Variants in TNNI3K observed in about 807,000 individuals in gnomAD.
TNNI3K encodes TNNI3 interacting kinase, also known as serine/threonine-protein kinase TNNI3K.
In TNNI3K, 140 loss-of-function variants were observed where a neutral mutation model predicts 114.5. The ratio of observed to expected loss-of-function variants is 1.22; its 90% CI spans 1.07 to 1.41. The LOEUF is 1.41. Among genes scored for constraint, TNNI3K ranks in the 40% most tolerant of loss-of-function variants. The pLI is 0.00. For missense variants in TNNI3K, 1,125 were observed against 1,007.6 expected (o/e 1.12, Z -1.58); for synonymous variants, 347 against 347.5 (o/e 1.00, Z 0.02).
intron 9 of TNNI3K, among the ~76,000 whole-genome samples, chr1:74,349,803 G>T (rs1661230037): frequency 6.6e-6 from 1 of 152,060 alleles, no homozygotes; most frequent in Non-Finnish European, 1.5e-5. Flanking sequence ...TATTTCTGTG[G>T]GATCGGTGGT....
Position 74,489,234 on chromosome 1 carries a change from C to G in TNNI3K, c.2167C>G (p.Leu723Val). 6.2e-7 allele frequency: 1 copy of G among 1,611,822 alleles called. No individual in the cohort carries two copies. The highest frequency in any genetic ancestry group is 8.5e-7 in the Non-Finnish European group (1 of 1,179,016). ...AGTTGTCATGAAGTTAGAAGAGTGTCTCTGCAACATTGAGGTAAAAGCTTT... is the reference window on the plus strand; with the variant it reads ...AGTTGTCATGAAGTTAGAAGAGTGTGTCTGCAACATTGAGGTAAAAGCTTT... ...SEVVMKLEEC[L>V]CNIELMSPAS... is the part of the protein sequence containing the mutation. Residue 723 changes from leucine to valine, a missense_variant, in exon 22 of 25, where the codon CTC (leucine) becomes GTC (valine). By Grantham distance (32) the Leu-to-Val change is conservative. Transcript: ENST00000326637.
At position 74,367,971 on chromosome 1, in the gene TNNI3K, A is replaced by G. The variant is rs1259635678; in HGVS notation, c.1321+7A>G. ...ATTAAAAGCATGACAAAAGGTACCTATAATCTGGGACAATTGTTATATTTA... is the reference window on the plus strand; with the variant it reads ...ATTAAAAGCATGACAAAAGGTACCTGTAATCTGGGACAATTGTTATATTTA... On this transcript the variant is annotated splice_region_variant and intron_variant, in intron 13 of 24. Coordinates refer to ENST00000326637, the MANE Select transcript of TNNI3K (RefSeq NM_015978.3). The G allele has an allele frequency of 5.1e-6, 8 of 1,556,118 alleles. No individual in the cohort carries two copies. The highest frequency in any genetic ancestry group is 1.4e-5 in the African/African-American group (1 of 71,122).
intron 23 of TNNI3K, among the ~76,000 whole-genome samples, chr1:74,511,237 G>C (rs1260003519): frequency 1.3e-5 from 2 of 150,844 alleles, no homozygotes; most frequent in Non-Finnish European, 2.9e-5. Flanking sequence ...TTATTGCCCA[G>C]GCTGGAGTGC....
intron 17 of TNNI3K, among the ~76,000 whole-genome samples, chr1:74,397,298 A>C (rs193269903): frequency 6.6e-6 from 1 of 152,282 alleles, no homozygotes; most frequent in Admixed American, 6.5e-5. Flanking sequence ...AGAGAGAGAT[A>C]ATGTAAAAGG....
chr1:74,371,335 A>G (rs1032205935), intron 17 of TNNI3K: 1 of 151,876 alleles, frequency 6.6e-6, no homozygotes, highest in African/African-American at 2.4e-5. Context: ...GGACGTTCAT[A>G]GACTACATTC....
chr1:74,265,999 C>G (rs1655958941), intron 4 of TNNI3K, among the ~76,000 whole-genome samples: 1 of 151,948 alleles, frequency 6.6e-6, no homozygotes, highest in Non-Finnish European at 1.5e-5. Context: ...ATTTTCTTCT[C>G]TGAGGTATTC....
At chr1:74,391,286 C>A (rs956219335) in intron 17 of TNNI3K, among the ~76,000 whole-genome samples, 3 of 151,932 alleles carry the variant, frequency 2.0e-5, no homozygotes, top group Non-Finnish European at 4.4e-5. Context: ...GAGAAAAGGG[C>A]AAAAATGAAA....
rs1035000340 is a variant in TNNI3K, at chr1:74,421,692, A to G, written c.1773-14388A>G. On this transcript the variant is annotated intron_variant, in intron 17 of 24. Transcript: ENST00000326637. ...GTGGCTTAGCTTGATTGCTAAGGATAAGAGGACTGACATCACCCGAATATC... is the reference window on the plus strand; with the variant it reads ...GTGGCTTAGCTTGATTGCTAAGGATGAGAGGACTGACATCACCCGAATATC... Among the ~76,000 whole-genome samples, 4 of 152,190 alleles carry G rather than the reference A, an allele frequency of 2.6e-5. No individual in the cohort carries two copies. In the East Asian group the frequency reaches 7.7e-4, roughly 29 times the overall value.
intron 21 of TNNI3K, chr1:74,469,931 G>A: frequency 5.0e-6 from 2 of 400,664 alleles, no homozygotes; most frequent in South Asian, 1.3e-4. Context: ...GGTGGATACA[G>A]TACAGGTTTT....
chr1:74,360,340 T>G (rs1661894657), intron 11 of TNNI3K, among the ~76,000 whole-genome samples: 1 of 152,008 alleles, frequency 6.6e-6, no homozygotes, highest in South Asian at 2.1e-4. Flanking sequence ...GAGACTTTAT[T>G]GTCTTGTGTA....
intron 24 of TNNI3K, 106 bp from the exon 25 acceptor site, chr1:74,543,800 C>A: frequency 1.6e-6 from 2 of 1,245,022 alleles, no homozygotes; most frequent in South Asian, 1.3e-5. Flanking sequence ...TCCAGATTGT[C>A]TGTTCACATG....
intron 23 of TNNI3K, among the ~76,000 whole-genome samples, chr1:74,502,942 G>A (rs1029866543): frequency 2.6e-5 from 4 of 152,180 alleles, no homozygotes; most frequent in Non-Finnish European, 5.9e-5. Flanking sequence ...GCACATAAAA[G>A]GATGAACTTC....
rs529175481 is a variant in TNNI3K at position 74,543,842 on chromosome 1, A to C, written c.2432-64A>C. On this transcript the variant is annotated intron_variant, in intron 24 of 24. Coordinates refer to ENST00000326637, the MANE Select transcript of TNNI3K (RefSeq NM_015978.3). ...AAGACCTGCCTGGTTCAGGCTGGTT[A>C]TAAAAAATTGGGGGATGTACTGAAA... is the stretch of plus-strand genomic sequence containing the variant. 162 of 1,599,164 alleles carry C rather than the reference A, an allele frequency of 1.0e-4. 2 individuals are homozygous for C. The South Asian group carries it at 1.4e-3, about 13-fold the overall frequency.
intron 13 of TNNI3K, 69 bp from the exon 14 acceptor site, chr1:74,368,952 AT>A (rs1662435621): frequency 8.3e-7 from 1 of 1,210,884 alleles, no homozygotes; most frequent in Admixed American, 2.6e-5. Context: ...AAATATATAT[AT>A]GCACATGTAT....
chr1:74,531,809 T>A (rs1646587697), intron 23 of TNNI3K, among the ~76,000 whole-genome samples: 1 of 152,238 alleles, frequency 6.6e-6, no homozygotes, highest in African/African-American at 2.4e-5. Context: ...AGGGGATAAG[T>A]GTGCATATGG....
At chr1:74,361,541 G>T (rs1370266879) in intron 11 of TNNI3K, among the ~76,000 whole-genome samples, 8 of 152,070 alleles carry the variant, frequency 5.3e-5, no homozygotes, top group Admixed American at 4.6e-4. Flanking sequence ...ATGTGTGACA[G>T]ACACTGTGCT....
chr1:74,467,562 A>C (rs1227790783), intron 21 of TNNI3K, among the ~76,000 whole-genome samples: 3 of 151,870 alleles, frequency 2.0e-5, no homozygotes, highest in African/African-American at 7.3e-5. Context: ...TTGGACGTGA[A>C]ATTATGGCAA....
At chr1:74,296,962 A>G (rs1363287484) in intron 5 of TNNI3K, among the ~76,000 whole-genome samples, 1 of 152,000 alleles carries the variant, frequency 6.6e-6, no homozygotes, top group Non-Finnish European at 1.5e-5. Flanking sequence ...GGCTTCATGT[A>G]TTTCTTCATT....
intron 2 of TNNI3K, among the ~76,000 whole-genome samples, chr1:74,242,007 A>G (rs1226207723): frequency 1.3e-5 from 2 of 150,698 alleles, no homozygotes; most frequent in Non-Finnish European, 3.0e-5. Flanking sequence ...CCACCACCAC[A>G]CCTGGCTAAT....
Sources: allele counts gnomAD v4.1 joint callset (sites outside exome capture counted in the v4.1 genomes callset), GRCh38; gene constraint gnomAD v4.1.1; transcripts MANE v1.5; gene names NCBI Gene and HGNC (gene_info 2026-07-23, HGNC 2026-07-21).